The following DLG2 variants were observed in gnomAD, a reference collection of about 807,000 sequenced individuals.
DLG2 encodes the protein discs large MAGUK scaffold protein 2, also known as disks large homolog 2.
DLG2 carries 45 observed loss-of-function variants against 132.5 expected under a neutral mutation model. That is an observed-to-expected ratio of 0.34 (90% CI 0.27 to 0.44). The LOEUF (loss-of-function observed/expected upper bound fraction) is 0.44, where lower values mean the gene tolerates loss of function less well. DLG2 is among the 20% of genes least tolerant of loss of function. DLG2 has a pLI of 1.00. For missense variants in DLG2, 1,045 were observed against 1,196.9 expected (o/e 0.87, Z 1.87); for synonymous variants, 424 against 419.6 (o/e 1.01, Z -0.13).
intron 3 of DLG2, among the ~76,000 whole-genome samples, chr11:85,458,865 A>C (rs2092509340): frequency 6.6e-6 from 1 of 152,174 alleles, no homozygotes; most frequent in Non-Finnish European, 1.5e-5. Flanking sequence ...TGCTGACTGC[A>C]AATCTTGGCT....
chr11:84,092,959 C>T (rs1295646409), intron 10 of DLG2, among the ~76,000 whole-genome samples: 1 of 151,578 alleles, frequency 6.6e-6, no homozygotes, highest in Non-Finnish European at 1.5e-5. Flanking sequence ...TCGCTTGAAC[C>T]CAGAAGGCGG....
chr11:84,967,698 C>T (rs555198359), intron 6 of DLG2, among the ~76,000 whole-genome samples: 1 of 152,080 alleles, frequency 6.6e-6, no homozygotes, highest in Non-Finnish European at 1.5e-5. Flanking sequence ...ACTGAGGAGT[C>T]AGATCATTTT....
At chr11:85,518,648 T>G (rs2094216323) in intron 3 of DLG2, among the ~76,000 whole-genome samples, 1 of 152,224 alleles carries the variant, frequency 6.6e-6, no homozygotes, top group South Asian at 2.1e-4. Flanking sequence ...TCAAGCTGAC[T>G]GCAGAAATTT....
chr11:84,237,222 C>T (rs144182412), intron 8 of DLG2, among the ~76,000 whole-genome samples: 236 of 152,166 alleles, frequency 1.6e-3, no homozygotes, highest in African/African-American at 5.4e-3. Flanking sequence ...GCCACTGTGC[C>T]CAGCCCAGCA....
chr11:84,723,404 C>G (rs1472605764), intron 6 of DLG2, among the ~76,000 whole-genome samples: 3 of 152,108 alleles, frequency 2.0e-5, no homozygotes, highest in Admixed American at 6.5e-5. Context: ...TTATGTTTAA[C>G]TTTAATCAGT....
At chr11:84,869,318 G>A (rs1479488669) in intron 6 of DLG2, among the ~76,000 whole-genome samples, 2 of 152,186 alleles carry the variant, frequency 1.3e-5, no homozygotes, top group East Asian at 3.9e-4. Flanking sequence ...TAGAATATCA[G>A]ATGCAACAGG....
chr11:83,900,093 A>T (rs1281374449), intron 15 of DLG2, among the ~76,000 whole-genome samples: 3 of 152,160 alleles, frequency 2.0e-5, no homozygotes, highest in Non-Finnish European at 4.4e-5. Flanking sequence ...CCCCTGCCCA[A>T]GAGATTTGTG....
intron 3 of DLG2, among the ~76,000 whole-genome samples, chr11:85,521,950 T>C (rs541824181): frequency 1.3e-5 from 2 of 152,050 alleles, no homozygotes; most frequent in South Asian, 4.2e-4. Flanking sequence ...AAAAAAAAAT[T>C]CTGGGGAGAA....
intron 2 of DLG2, among the ~76,000 whole-genome samples, chr11:85,622,216 T>C (rs550016556): frequency 7.2e-5 from 11 of 152,358 alleles, no homozygotes; most frequent in African/African-American, 2.6e-4. Context: ...TAATGGACTA[T>C]AGTATAGTAT....
At chr11:83,778,237 G>C (rs1323322184) in intron 18 of DLG2, among the ~76,000 whole-genome samples, 1 of 152,120 alleles carries the variant, frequency 6.6e-6, no homozygotes, top group East Asian at 1.9e-4. Flanking sequence ...ATTATCTAGT[G>C]AAGATCTGTG....
At chr11:83,484,779 G>A (rs1412785434) in intron 21 of DLG2, among the ~76,000 whole-genome samples, 1 of 152,086 alleles carries the variant, frequency 6.6e-6, no homozygotes, top group Non-Finnish European at 1.5e-5. Context: ...AGTTACTTCT[G>A]TTTAGTTTTA....
At chr11:84,548,066 T>C (rs2099393888) in intron 6 of DLG2, among the ~76,000 whole-genome samples, 1 of 152,316 alleles carries the variant, frequency 6.6e-6, no homozygotes, top group Admixed American at 6.5e-5. Context: ...AGTTTTCATT[T>C]AGCAGGGAGA....
chr11:84,493,466 G>A (rs2099170701), intron 7 of DLG2, among the ~76,000 whole-genome samples: 1 of 151,896 alleles, frequency 6.6e-6, no homozygotes, highest in Admixed American at 6.6e-5. Context: ...TCTCCAACCA[G>A]CCCCTGCCTG....
At chr11:84,272,219 T>A (rs2097733953) in intron 7 of DLG2, 1 of 393,064 alleles carries the variant, frequency 2.5e-6, no homozygotes, top group African/African-American at 2.1e-5. Context: ...TTAAGTGATT[T>A]CGAAGTTACA....
intron 18 of DLG2, chr11:83,682,359 G>A: frequency 1.0e-6 from 1 of 985,316 alleles, no homozygotes; most frequent in Non-Finnish European, 1.2e-6. Flanking sequence ...ACATCACAGG[G>A]GGTGACCATG....
chr11:84,967,814 TG>T (rs2053547517), intron 6 of DLG2, among the ~76,000 whole-genome samples: 1 of 152,154 alleles, frequency 6.6e-6, no homozygotes, highest in South Asian at 2.1e-4. Context: ...AGTACATTTT[TG>T]CAATCATTAA....
chr11:84,714,589 T>TTCTCTTTCTCTC (rs2060881731), intron 6 of DLG2, among the ~76,000 whole-genome samples: 1 of 125,940 alleles, frequency 7.9e-6, no homozygotes, highest in Non-Finnish European at 1.6e-5. Context: ...CTCTTTCTCT[T>TTCTCTTTCTCTC]TCTCTTTCTT....
chr11:84,187,473 C>T (rs536318491), intron 8 of DLG2, among the ~76,000 whole-genome samples: 2 of 152,100 alleles, frequency 1.3e-5, no homozygotes, highest in South Asian at 4.1e-4. Context: ...AAAGAAGCAT[C>T]CCCCTTTTCT....
At chr11:85,037,969 C>T (rs2061554679) in intron 6 of DLG2, among the ~76,000 whole-genome samples, 1 of 152,048 alleles carries the variant, frequency 6.6e-6, no homozygotes, top group Non-Finnish European at 1.5e-5. Context: ...AGCAAACATA[C>T]ATGAAACAAA....
Sources: gnomAD v4.1 joint callset for allele counts (sites outside exome capture counted in the v4.1 genomes callset) on GRCh38, gnomAD v4.1.1 for gene constraint, MANE v1.5 for transcripts, NCBI Gene and HGNC (gene_info 2026-07-23, HGNC 2026-07-21) for gene names.